The following TANC1 variants were observed in gnomAD, a reference collection of about 807,000 sequenced individuals.
TANC1 encodes tetratricopeptide repeat, ankyrin repeat and coiled-coil containing 1.
In TANC1, 77 loss-of-function variants were observed where a neutral mutation model predicts 149.7. The observed-to-expected ratio is 0.51, with a 90% CI of 0.43 to 0.62. The LOEUF is 0.62. TANC1 is among the 20% of genes least tolerant of loss of function. The pLI is 0.00. For synonymous variants in TANC1, 854 were observed against 925.0 expected (o/e 0.92, Z 1.39); for missense variants, 1,985 against 2,321.8 (o/e 0.85, Z 2.98).
chr2:159,010,727 T>G (rs1254321123), intron 2 of TANC1, among the ~76,000 whole-genome samples: 1 of 151,714 alleles, frequency 6.6e-6, no homozygotes, highest in Non-Finnish European at 1.5e-5. Context: ...GAAAGGCTTT[T>G]TTTTTTTTTT....
At chr2:159,188,938 C>T (rs1250065023) in intron 16 of TANC1, among the ~76,000 whole-genome samples, 2 of 152,204 alleles carry the variant, frequency 1.3e-5, no homozygotes, top group Non-Finnish European at 2.9e-5. Flanking sequence ...ATCATTTAAA[C>T]AGGTTCCTTC....
intron 14 of TANC1, among the ~76,000 whole-genome samples, chr2:159,182,052 A>C (rs74517652): frequency 0.025 from 3,729 of 152,056 alleles, 159 homozygotes; most frequent in African/African-American, 0.085. Context: ...ATACAAAAAA[A>C]AGAAAAATTA....
At chr2:159,209,253 T>G (rs1168873001) in intron 19 of TANC1, among the ~76,000 whole-genome samples, 1 of 152,236 alleles carries the variant, frequency 6.6e-6, no homozygotes, top group South Asian at 2.1e-4. Context: ...CCATCTTGAT[T>G]ACCTTTCATT....
At chr2:159,205,948 A>G (rs1005820444) in intron 19 of TANC1, among the ~76,000 whole-genome samples, 2 of 152,134 alleles carry the variant, frequency 1.3e-5, no homozygotes, top group South Asian at 2.1e-4. Flanking sequence ...AAGATACTGG[A>G]TTTTTCAGAG....
Position 159,133,553 on chromosome 2 carries a change from C to G in TANC1, c.260-2641C>G, listed in dbSNP as rs1047325321. Reference sequence around the variant, plus strand: ...CCATTTGTATCTGTCCTATTCAGGCCCTTCTTTCTAGTTTATGTCTCTTAC... The same window carrying G: ...CCATTTGTATCTGTCCTATTCAGGCGCTTCTTTCTAGTTTATGTCTCTTAC... On this transcript the variant is annotated intron_variant, in intron 4 of 26. Coordinates refer to ENST00000263635, the MANE Select transcript of TANC1 (RefSeq NM_033394.3). Among the ~76,000 whole-genome samples, 17 of 152,102 alleles carry G rather than the reference C, an allele frequency of 1.1e-4. 1 individual carries two copies. The highest frequency in any genetic ancestry group is 7.9e-4 in the Admixed American group (12 of 15,246).
At position 159,176,466 on chromosome 2, in the gene TANC1, C is replaced by G; in HGVS notation, c.1850C>G (p.Ser617Cys). 6.2e-7 allele frequency: 1 copy of G among 1,603,434 alleles called. No homozygotes were observed. The highest frequency in any genetic ancestry group is 8.5e-7 in the Non-Finnish European group (1 of 1,176,998). Residue 617 changes from serine (S) to cysteine (C), a missense_variant, in exon 13 of 27, where the codon TCT (serine) becomes TGT (cysteine). Ser to Cys is a moderately radical substitution (Grantham distance 112). Transcript: ENST00000263635. ...TCTTCATTTATTACCAAAATTATTT[C>G]TAAATTTCCTGCCTGGTTGAAGTTG... ...TLSSFITKII[S>C]KFPAWLKLIV...
At chr2:159,100,623 C>T (rs1014738148) in intron 4 of TANC1, among the ~76,000 whole-genome samples, 16 of 152,120 alleles carry the variant, frequency 1.1e-4, no homozygotes, top group Non-Finnish European at 8.8e-5. Context: ...ACATCTCTAA[C>T]GGAGCAGTGC....
chr2:159,149,207 T>C lies in TANC1; in HGVS notation c.430T>C (p.Phe144Leu). Residue 144 changes from phenylalanine (F) to leucine (L), a missense_variant, in exon 6 of 27, where the codon TTT becomes CTT. Phe to Leu is a conservative substitution (Grantham distance 22, BLOSUM62 0). Transcript: ENST00000263635. Reference sequence around the variant, plus strand: ...TCAAGAACTGTTGACAAGGCTGGGATTTTTACTGGGAGAAGGGATCCCAAG... The same window carrying C: ...TCAAGAACTGTTGACAAGGCTGGGACTTTTACTGGGAGAAGGGATCCCAAG... The part of the protein sequence containing the change: ...AAQELLTRLG[F>L]LLGEGIPSAT... 1 of 1,614,016 alleles carries C rather than the reference T, an allele frequency of 6.2e-7. No homozygotes were observed. The highest frequency in any genetic ancestry group is 8.5e-7 in the Non-Finnish European group (1 of 1,179,934).
At chr2:159,178,252 C>G (rs1160701181) in intron 13 of TANC1, among the ~76,000 whole-genome samples, 2 of 152,226 alleles carry the variant, frequency 1.3e-5, no homozygotes, top group African/African-American at 4.8e-5. Flanking sequence ...TCTCACTGCC[C>G]TTACTGGCCC....
intron 2 of TANC1, among the ~76,000 whole-genome samples, chr2:159,007,405 C>A (rs2037321471): frequency 6.6e-6 from 1 of 152,164 alleles, no homozygotes; most frequent in African/African-American, 2.4e-5. Context: ...CTTGGCCTCC[C>A]AAAGTGCTGG....
chr2:159,005,807 AG>A (rs2037106834), intron 2 of TANC1, among the ~76,000 whole-genome samples: 1 of 152,060 alleles, frequency 6.6e-6, no homozygotes, highest in Admixed American at 6.5e-5. Flanking sequence ...AAATTGAAAA[AG>A]AAAAAAAAAG....
chr2:159,118,801 C>T (rs1015278865), intron 4 of TANC1, among the ~76,000 whole-genome samples: 14 of 152,134 alleles, frequency 9.2e-5, no homozygotes, highest in African/African-American at 2.9e-4. Context: ...GCTGTGTATT[C>T]GGCCAGGTTC....
intron 2 of TANC1, among the ~76,000 whole-genome samples, chr2:159,028,497 G>A (rs1158540489): frequency 6.6e-6 from 1 of 152,182 alleles, no homozygotes; most frequent in African/African-American, 2.4e-5. Context: ...TGAAGCTAAT[G>A]TAATCTGAAT....
chr2:159,143,019 C>T (rs1181926868), intron 5 of TANC1, among the ~76,000 whole-genome samples: 1 of 146,428 alleles, frequency 6.8e-6, no homozygotes, highest in African/African-American at 2.5e-5. Context: ...GCCAAGATTG[C>T]ACCACTGCAC....
chr2:158,979,127 G>T (rs1484683102), intron 1 of TANC1, among the ~76,000 whole-genome samples: 1 of 152,178 alleles, frequency 6.6e-6, no homozygotes, highest in Non-Finnish European at 1.5e-5. Flanking sequence ...GGAGTAAGTA[G>T]AATTCATGAT....
chr2:159,105,475 G>A (rs1029192340), intron 4 of TANC1, among the ~76,000 whole-genome samples: 4 of 152,068 alleles, frequency 2.6e-5, no homozygotes, highest in African/African-American at 9.7e-5. Flanking sequence ...CTTCCAACAG[G>A]AATACTTTTG....
At chr2:159,059,917 TGTGTGTGTGTGTGG>T (rs1454580152) in intron 2 of TANC1, among the ~76,000 whole-genome samples, 28 of 148,504 alleles carry the variant, frequency 1.9e-4, no homozygotes, top group East Asian at 6.0e-4. Context: ...TGTGTGTGTG[TGTGTGTGTGTGTGG>T]TTTTTTGTTG....
At chr2:159,165,968 T>A (rs941763342) in intron 8 of TANC1, among the ~76,000 whole-genome samples, 2 of 152,238 alleles carry the variant, frequency 1.3e-5, no homozygotes, top group Admixed American at 6.5e-5. Flanking sequence ...TTTTTTATTT[T>A]TATTTTTTGA....
At chr2:159,033,814 AACCTGCATG>A (rs1460252222) in intron 2 of TANC1, among the ~76,000 whole-genome samples, 2 of 152,186 alleles carry the variant, frequency 1.3e-5, no homozygotes, top group Non-Finnish European at 2.9e-5. Context: ...GGTCACATTC[AACCTGCATG>A]TGCGCCAGCT....
Sources: gnomAD v4.1 joint callset for allele counts (sites outside exome capture counted in the v4.1 genomes callset) on GRCh38, gnomAD v4.1.1 for gene constraint, MANE v1.5 for transcripts, NCBI Gene and HGNC (gene_info 2026-07-23, HGNC 2026-07-21) for gene names.